CAPS2: variants seen among roughly 807,000 people sequenced by gnomAD.
CAPS2 encodes the protein calcyphosine 2.
In CAPS2, 98 loss-of-function variants were observed where a neutral mutation model predicts 86.5. That is an observed-to-expected ratio of 1.13 (90% CI 0.96 to 1.34). The LOEUF is 1.34. Ranked by LOEUF, CAPS2 falls within the 40% of genes most tolerant of loss-of-function variation. The pLI is 0.00. For synonymous variants in CAPS2, 210 were observed against 225.1 expected (o/e 0.93, Z 0.60); for missense variants, 729 against 686.8 (o/e 1.06, Z -0.69).
At chr12:75,302,525 G>C (rs1308677239) in intron 8 of CAPS2, among the ~76,000 whole-genome samples, 1 of 152,172 alleles carries the variant, frequency 6.6e-6, no homozygotes, top group Non-Finnish European at 1.5e-5. Flanking sequence ...TAACAATACA[G>C]GGAAAGAGGA....
At chr12:75,368,392 C>T (rs866767148) in intron 1 of CAPS2, among the ~76,000 whole-genome samples, 9 of 151,290 alleles carry the variant, frequency 5.9e-5, no homozygotes, top group South Asian at 2.1e-4. Context: ...TGAACTAATG[C>T]TACTTCTTTT....
In CAPS2 at chr12:75,284,435, T is replaced by C. The variant is rs535333200; in HGVS notation, c.1515+526A>G. Among the ~76,000 whole-genome samples, 202 of 152,298 alleles carry C rather than the reference T, an allele frequency of 1.3e-3. 10 individuals carry two copies. In the South Asian group the frequency reaches 0.04, roughly 30 times the overall value. On this transcript the variant is annotated intron_variant, in intron 15 of 16. Coordinates refer to ENST00000393284, the Ensembl canonical transcript of CAPS2. ...CCTATTAAAGTCAGTACTCCTGTTT[T>C]TAATTCCAATTTAACATGATTATCT... is the stretch of plus-strand genomic sequence containing the variant.
chr12:75,279,314 T>C (rs1205463404), intron 16 of CAPS2, among the ~76,000 whole-genome samples: 4 of 151,954 alleles, frequency 2.6e-5, no homozygotes, highest in Non-Finnish European at 5.9e-5. Context: ...CACAGTTTTT[T>C]TGATCATAAA....
chr12:75,298,303 C>G (rs939789411), intron 11 of CAPS2: 1 of 179,052 alleles, frequency 5.6e-6, no homozygotes, highest in African/African-American at 2.4e-5. Flanking sequence ...AGGCCCATAC[C>G]CCTTCACATG....
At chr12:75,290,923 C>CAA (rs758536064) in intron 13 of CAPS2, among the ~76,000 whole-genome samples, 1 of 46,996 alleles carries the variant, frequency 2.1e-5, no homozygotes, top group Non-Finnish European at 4.8e-5. Flanking sequence ...GGCTCTCTCT[C>CAA]AAAAAAAAAA....
chr12:75,367,072 A>G lies in CAPS2; in HGVS notation c.-395+23766T>C, dbSNP rs1357819724. ...TTAAGTTTCTCACAAAAATGCACAG[A>G]CAAGCCAACTGAGATTAATTTGGGG... On this transcript the variant is annotated intron_variant, in intron 1 of 5. Transcript: ENST00000551829. 4 of 698,738 alleles carry G rather than the reference A, an allele frequency of 5.7e-6. No individual in the cohort carries two copies. In the East Asian group the frequency reaches 8.1e-5, roughly 14 times the overall value. 43.3% of individuals were successfully genotyped at this position (698,738 alleles called of 1,614,324 possible). A position where few individuals can be genotyped will look rare whatever the true frequency, so the allele number is the denominator to read the frequency against.
chr12:75,306,062 G>A, intron 7 of CAPS2: 1 of 1,475,186 alleles, frequency 6.8e-7, no homozygotes, highest in Non-Finnish European at 9.3e-7. Context: ...GCGCCGTCTA[G>A]AACGTGCTGC....
upstream of CAPS2, among the ~76,000 whole-genome samples, chr12:75,331,047 G>A (rs961755055): frequency 3.3e-5 from 5 of 152,070 alleles, no homozygotes; most frequent in African/African-American, 1.2e-4. Flanking sequence ...GACTCCCAGA[G>A]TGCTGTGATT....
rs1280238920 is a variant in CAPS2 at position 75,285,072 on chromosome 12, C to G, written c.1404G>C (p.Glu468Asp). 1.9e-6 allele frequency: 3 copies of G among 1,606,410 alleles called. No individual in the cohort carries two copies. The South Asian group carries it at 3.4e-5, about 18-fold the overall frequency. Reference sequence around the variant, plus strand: ...TGTCATTCAGAATTAGCCATGCAGACTCAAAATCCTAGAAACAATCAGAGA... The same window carrying G: ...TGTCATTCAGAATTAGCCATGCAGAGTCAAAATCCTAGAAACAATCAGAGA... The change falls in exon 15 of 17, where the codon GAG becomes GAC. Residue 468 changes from glutamate to aspartate, a missense_variant. Transcript: ENST00000393284.
At chr12:75,332,111 A>G (rs2041370771), upstream of CAPS2, among the ~76,000 whole-genome samples, 1 of 152,210 alleles carries the variant, frequency 6.6e-6, no homozygotes, top group Non-Finnish European at 1.5e-5. Flanking sequence ...GTCTCTTAGA[A>G]GAGCAATAAT....
chr12:75,320,452 C>T (rs1338156126), intron 5 of CAPS2, among the ~76,000 whole-genome samples: 1 of 151,948 alleles, frequency 6.6e-6, no homozygotes, highest in Non-Finnish European at 1.5e-5. Context: ...TTATAGACAC[C>T]AGATTATCAT....
chr12:75,298,571 C>A, intron 11 of CAPS2, 116 bp downstream of exon 11: 1 of 733,850 alleles, frequency 1.4e-6, no homozygotes. Flanking sequence ...TGACCCTGTT[C>A]AGGATGCAGG....
At chr12:75,320,852 A>G (rs985725265) in intron 5 of CAPS2, among the ~76,000 whole-genome samples, 1 of 151,972 alleles carries the variant, frequency 6.6e-6, no homozygotes, top group Non-Finnish European at 1.5e-5. Flanking sequence ...TACAATTACT[A>G]TGTTTAATTT....
intron 1 of CAPS2, among the ~76,000 whole-genome samples, chr12:75,381,168 T>C (rs948282061): frequency 4.6e-5 from 7 of 152,178 alleles, no homozygotes; most frequent in Admixed American, 6.5e-5. Flanking sequence ...GCTATTCTCA[T>C]GACAGTGAAT....
At chr12:75,285,612 C>T (rs1421150783) in intron 14 of CAPS2, among the ~76,000 whole-genome samples, 1 of 151,628 alleles carries the variant, frequency 6.6e-6, no homozygotes, top group East Asian at 1.9e-4. Flanking sequence ...CCTTGTATAC[C>T]ACCCCTCTCC....
At chr12:75,314,565 T>TA (rs2039562786) in intron 6 of CAPS2, among the ~76,000 whole-genome samples, 1 of 152,182 alleles carries the variant, frequency 6.6e-6, no homozygotes, top group Non-Finnish European at 1.5e-5. Context: ...TATTTAGTAA[T>TA]AAATTTAAAA....
At chr12:75,311,477 T>C (rs987030737) in intron 7 of CAPS2, among the ~76,000 whole-genome samples, 4 of 151,670 alleles carry the variant, frequency 2.6e-5, no homozygotes, top group African/African-American at 7.3e-5. Flanking sequence ...GACACCCAGA[T>C]TGGAGAAAGT....
At chr12:75,341,854 A>G (rs530617396) in intron 1 of CAPS2, among the ~76,000 whole-genome samples, 1 of 150,054 alleles carries the variant, frequency 6.7e-6, no homozygotes, top group African/African-American at 2.5e-5. Flanking sequence ...GGTTCAAGCA[A>G]TTCTCCTCCT....
intron 11 of CAPS2, among the ~76,000 whole-genome samples, chr12:75,296,541 C>CT (rs968140893): frequency 2.0e-5 from 3 of 152,196 alleles, no homozygotes; most frequent in African/African-American, 7.2e-5. Flanking sequence ...ATCTGCCCCC[C>CT]TCGGCCTCCC....
Sources: allele counts gnomAD v4.1 joint callset (sites outside exome capture counted in the v4.1 genomes callset), GRCh38; gene constraint gnomAD v4.1.1; transcripts MANE v1.5; gene names NCBI Gene and HGNC (gene_info 2026-07-23, HGNC 2026-07-21).